CCDC175: variants seen among roughly 807,000 people sequenced by gnomAD.
CCDC175 encodes coiled-coil domain containing 175.
Under a neutral mutation model 114.6 loss-of-function variants are expected in CCDC175, and 100 were observed. The ratio of observed to expected loss-of-function variants is 0.87; its 90% CI spans 0.74 to 1.03. CCDC175 has a LOEUF of 1.03. CCDC175 is among the 50% of genes least tolerant of loss of function. The probability of loss-of-function intolerance (pLI) is 0.00; values close to 1 mark genes in which losing one functional copy is unlikely to be tolerated. For missense variants in CCDC175, 880 were observed against 917.8 expected (o/e 0.96, Z 0.53); for synonymous variants, 306 against 308.7 (o/e 0.99, Z 0.09).
intron 1 of CCDC175, among the ~76,000 whole-genome samples, chr14:59,576,001 GT>G (rs1172112610): frequency 6.6e-6 from 1 of 152,138 alleles, no homozygotes; most frequent in Admixed American, 6.5e-5. Flanking sequence ...GGCCTAAACG[GT>G]TTTTGCACCG....
chr14:59,555,207 A>T (rs570344743), intron 7 of CCDC175, among the ~76,000 whole-genome samples: 1 of 152,182 alleles, frequency 6.6e-6, no homozygotes, highest in Non-Finnish European at 1.5e-5. Flanking sequence ...TCGATGAAAA[A>T]ATCCTCAATA....
chr14:59,520,447 T>C (rs983567600), intron 17 of CCDC175, among the ~76,000 whole-genome samples: 1 of 152,240 alleles, frequency 6.6e-6, no homozygotes, highest in African/African-American at 2.4e-5. Flanking sequence ...ATATATTTCC[T>C]ATAAAGTTAA....
intron 7 of CCDC175, among the ~76,000 whole-genome samples, chr14:59,559,647 C>A (rs1447901725): frequency 2.0e-5 from 3 of 152,112 alleles, no homozygotes. Flanking sequence ...GGTTGCCTCT[C>A]CCTATCTTCA....
At chr14:59,553,268 A>C (rs1595053991) in intron 7 of CCDC175, among the ~76,000 whole-genome samples, 1 of 152,380 alleles carries the variant, frequency 6.6e-6, no homozygotes, top group East Asian at 1.9e-4. Context: ...CTGATCTCTC[A>C]GCAGAAACTC....
At chr14:59,548,298 G>T (rs1192223900) in intron 8 of CCDC175, among the ~76,000 whole-genome samples, 1 of 152,132 alleles carries the variant, frequency 6.6e-6, no homozygotes, top group Middle Eastern at 3.2e-3. Flanking sequence ...GGGCTGGTGA[G>T]GGAGGGGAGA....
intron 7 of CCDC175, among the ~76,000 whole-genome samples, chr14:59,558,194 G>A (rs1896027586): frequency 6.6e-6 from 1 of 152,150 alleles, no homozygotes; most frequent in Non-Finnish European, 1.5e-5. Context: ...AGGATGGTGA[G>A]GCTGGAGACA....
chr14:59,534,935 CCT>C (rs1894306343), intron 13 of CCDC175, among the ~76,000 whole-genome samples: 1 of 152,146 alleles, frequency 6.6e-6, no homozygotes, highest in Non-Finnish European at 1.5e-5. Context: ...CACTATTAAA[CCT>C]AATGATTTTG....
At chr14:59,568,153 A>T in intron 4 of CCDC175, 92 bp downstream of exon 4, 1 of 1,265,290 alleles carries the variant, frequency 7.9e-7, no homozygotes, top group Non-Finnish European at 1.0e-6. Flanking sequence ...GCCCTGCCAC[A>T]GTTCAGATCA....
chr14:59,551,499 T>C, intron 7 of CCDC175, 63 bp from the exon 8 acceptor site: 2 of 805,574 alleles, frequency 2.5e-6, no homozygotes, highest in African/African-American at 1.8e-5. Flanking sequence ...TAAGGCAAGG[T>C]GGCCAAATAG....
intron 18 of CCDC175, among the ~76,000 whole-genome samples, chr14:59,511,502 G>A (rs1892739874): frequency 1.4e-5 from 2 of 139,722 alleles, no homozygotes; most frequent in South Asian, 4.4e-4. Flanking sequence ...GTGGTAGAGT[G>A]GGAAGACAGT....
At chr14:59,548,346 A>G (rs145527440) in intron 8 of CCDC175, among the ~76,000 whole-genome samples, 257 of 152,302 alleles carry the variant, frequency 1.7e-3, no homozygotes, top group African/African-American at 5.7e-3. Flanking sequence ...TTGAATGTCA[A>G]TCTTTGAATG....
chr14:59,571,162 A>G (rs1896825930), intron 3 of CCDC175, among the ~76,000 whole-genome samples: 2 of 152,058 alleles, frequency 1.3e-5, no homozygotes, highest in Non-Finnish European at 2.9e-5. Context: ...AAAAAAAAAA[A>G]AAAAAGAGAT....
At position 59,559,110 on chromosome 14, in the gene CCDC175, G is replaced by A. The variant is rs548367548; in HGVS notation, c.953+2009C>T. ...ACCGTGGCAATTCTGAAACCACGTTGGCGCAAAAAAGCAACTATAGTCTCC... is the reference window on the plus strand; with the variant it reads ...ACCGTGGCAATTCTGAAACCACGTTAGCGCAAAAAAGCAACTATAGTCTCC... On this transcript the variant is annotated intron_variant, in intron 7 of 19. Transcript: ENST00000537690. Among the ~76,000 whole-genome samples, 12 of 152,184 alleles carry A rather than the reference G, an allele frequency of 7.9e-5. 1 individual carries two copies. The South Asian group carries it at 2.3e-3, about 29-fold the overall frequency.
intron 19 of CCDC175, among the ~76,000 whole-genome samples, chr14:59,509,984 T>A (rs551416160): frequency 3.5e-4 from 54 of 152,266 alleles, no homozygotes; most frequent in Middle Eastern, 3.4e-3. Context: ...TCTCTTTCCT[T>A]CTCCCAAGCT....
intron 11 of CCDC175, 45 bp from the exon 12 acceptor site, chr14:59,538,885 G>A (rs1372089366): frequency 2.0e-6 from 3 of 1,483,106 alleles, no homozygotes; most frequent in South Asian, 2.6e-5. Context: ...TGACATAGCA[G>A]TTTACTAAAA....
At chr14:59,506,275 A>ATTTTTTTTTTTTTTTTTTT (rs35322741) in intron 19 of CCDC175, among the ~76,000 whole-genome samples, 5 of 136,034 alleles carry the variant, frequency 3.7e-5, no homozygotes, top group Non-Finnish European at 6.3e-5. Context: ...GAGCACAGGG[A>ATTTTTTTTTTTTTTTTTTT]TTTTTTTTTT....
In CCDC175 at chr14:59,540,731, C is replaced by T. The variant is rs1469750056; in HGVS notation, c.1299G>A (p.Val433=). ...LQELQQATKT[V]YQQQIKILSA... The stretch of plus-strand genomic sequence containing the variant: ...TCAGGATTTTGATTTGTTGCTGATA[C>T]ACTGTTTTTGTTGCTCTAAAAAGAA... Residue 433 remains valine, a synonymous_variant, in exon 11 of 20, where the codon GTG becomes GTA. Transcript: ENST00000537690. 9.2e-6 allele frequency: 13 copies of T among 1,411,214 alleles called. No homozygotes were observed. The highest frequency in any genetic ancestry group is 1.2e-5 in the Non-Finnish European group (13 of 1,075,516). The allele number at this position is 1,411,214 out of a possible 1,614,324, so 87.4% of individuals were successfully genotyped here. A position where few individuals can be genotyped will look rare whatever the true frequency, so the allele number is the denominator to read the frequency against.
At chr14:59,532,141 C>G (rs1894109480) in intron 13 of CCDC175, among the ~76,000 whole-genome samples, 1 of 152,182 alleles carries the variant, frequency 6.6e-6, no homozygotes, top group Non-Finnish European at 1.5e-5. Flanking sequence ...AATTGGTTCT[C>G]TAAAGATCCC....
At chr14:59,523,805 C>T (rs961996509) in intron 16 of CCDC175, among the ~76,000 whole-genome samples, 2 of 151,964 alleles carry the variant, frequency 1.3e-5, no homozygotes, top group Non-Finnish European at 2.9e-5. Context: ...CTGGCTAACA[C>T]GGTGAAACCC....
Sources: allele counts gnomAD v4.1 joint callset (sites outside exome capture counted in the v4.1 genomes callset), GRCh38; gene constraint gnomAD v4.1.1; transcripts MANE v1.5; gene names NCBI Gene and HGNC (gene_info 2026-07-23, HGNC 2026-07-21).